Variants in DDC observed in about 807,000 individuals in gnomAD.
DDC encodes the protein aromatic-L-amino-acid decarboxylase.
A neutral mutation model predicts 60.0 loss-of-function variants in DDC; 43 were observed. The observed-to-expected ratio is 0.72, with a 90% CI of 0.56 to 0.92. The LOEUF (loss-of-function observed/expected upper bound fraction) is 0.92. DDC is among the 40% of genes least tolerant of loss of function. The probability of loss-of-function intolerance (pLI) is 0.00; values close to 1 mark genes in which losing one functional copy is unlikely to be tolerated. For missense variants in DDC, 573 were observed against 620.2 expected (o/e 0.92, Z 0.81); for synonymous variants, 232 against 234.6 (o/e 0.99, Z 0.10).
chr7:50,488,823 C>T (rs956921240), intron 9 of DDC, among the ~76,000 whole-genome samples: 1 of 152,140 alleles, frequency 6.6e-6, no homozygotes, highest in African/African-American at 2.4e-5. Flanking sequence ...AAAATTTCAA[C>T]TTTAATTTCA....
intron 10 of DDC, among the ~76,000 whole-genome samples, chr7:50,477,806 A>C (rs1030240894): frequency 6.6e-6 from 1 of 152,198 alleles, no homozygotes; most frequent in African/African-American, 2.4e-5. Flanking sequence ...GGAGCTTGTT[A>C]AACAAACATA....
intron 3 of DDC, among the ~76,000 whole-genome samples, chr7:50,539,620 G>T (rs1047727141): frequency 2.0e-5 from 3 of 152,162 alleles, no homozygotes; most frequent in Admixed American, 6.5e-5. Context: ...AGATTCCCAG[G>T]TTCGAGCTGC....
At chr7:50,461,880 G>T (rs2042281654) in intron 14 of DDC, among the ~76,000 whole-genome samples, 1 of 152,100 alleles carries the variant, frequency 6.6e-6, no homozygotes, top group East Asian at 1.9e-4. Context: ...GAAGGCCCTG[G>T]TTGCACCAGG....
intron 6 of DDC, among the ~76,000 whole-genome samples, chr7:50,522,903 C>G (rs2043937902): frequency 6.6e-6 from 1 of 152,082 alleles, no homozygotes; most frequent in African/African-American, 2.4e-5. Context: ...ATATTGCCAG[C>G]AAGAGAGAGC....
chr7:50,541,094 C>T (rs2044614962), intron 2 of DDC, among the ~76,000 whole-genome samples: 1 of 152,208 alleles, frequency 6.6e-6, no homozygotes, highest in Non-Finnish European at 1.5e-5. Context: ...ATAGAAATTG[C>T]CATTCAGACC....
intron 6 of DDC, among the ~76,000 whole-genome samples, chr7:50,512,904 A>G (rs2043619684): frequency 6.6e-6 from 1 of 152,220 alleles, no homozygotes; most frequent in Non-Finnish European, 1.5e-5. Context: ...ACATACCCAG[A>G]AAAGACACAG....
chr7:50,500,604 G>C (rs1482046701), intron 7 of DDC, among the ~76,000 whole-genome samples: 1 of 152,152 alleles, frequency 6.6e-6, no homozygotes, highest in Admixed American at 6.5e-5. Flanking sequence ...TCCATCTGGG[G>C]TTATGCAAGC....
intron 4 of DDC, 146 bp downstream of exon 4, chr7:50,537,714 T>C (rs2044465891): frequency 9.2e-7 from 1 of 1,083,316 alleles, no homozygotes; most frequent in Admixed American, 1.8e-5. Flanking sequence ...AAAGCCAGCA[T>C]TTTCCCAAGA....
chr7:50,529,406 T>TGTCTTCCAATAG, intron 4 of DDC, 64 bp from the exon 5 acceptor site: 1 of 1,573,922 alleles, frequency 6.4e-7, no homozygotes, highest in Non-Finnish European at 8.7e-7. Flanking sequence ...ACCTACACTA[T>TGTCTTCCAATAG]TGGAAGACAT....
At chr7:50,467,419 C>G in intron 12 of DDC, 104 bp from the exon 13 acceptor site, 1 of 957,506 alleles carries the variant, frequency 1.0e-6, no homozygotes, top group East Asian at 2.6e-5. Flanking sequence ...TTCATTTAGA[C>G]GCTCTTGGCA....
At chr7:50,555,194 G>A (rs979389122) in intron 1 of DDC, among the ~76,000 whole-genome samples, 11 of 151,978 alleles carry the variant, frequency 7.2e-5, no homozygotes, top group African/African-American at 2.2e-4. Context: ...CTCTGCCTTC[G>A]AGCCTCCCAC....
chr7:50,545,217 C>T (rs1483690364), intron 1 of DDC, among the ~76,000 whole-genome samples: 1 of 152,222 alleles, frequency 6.6e-6, no homozygotes, highest in African/African-American at 2.4e-5. Context: ...CGGACAAGCA[C>T]ATTCTCCACT....
chr7:50,510,709 C>T (rs989010956), intron 6 of DDC, among the ~76,000 whole-genome samples: 10 of 148,964 alleles, frequency 6.7e-5, no homozygotes, highest in East Asian at 2.0e-4. Context: ...TGGCAGGGCA[C>T]GGTGGCTCAC....
intron 6 of DDC, among the ~76,000 whole-genome samples, chr7:50,521,347 C>T (rs1244444905): frequency 6.6e-6 from 1 of 152,154 alleles, no homozygotes. Context: ...CAATTGAATT[C>T]ACTGCTGAGT....
intron 1 of DDC, among the ~76,000 whole-genome samples, chr7:50,558,967 A>T (rs2045269513): frequency 6.6e-6 from 1 of 152,218 alleles, no homozygotes. Context: ...GCTGATCCCA[A>T]CAGAAACAGG....
Position 50,543,865 on chromosome 7 carries a change from G to A in DDC, c.201+20C>T, listed in dbSNP as rs1453532298. ...GTGAGTTCTAGCCCTCCTGTTTTCT[G>A]ACCTTGGATACACACTTACCCCAGG... On this transcript the variant is annotated intron_variant, in intron 2 of 14. Coordinates refer to ENST00000444124, the MANE Select transcript of DDC (RefSeq NM_001082971.2). 6.2e-7 allele frequency: 1 copy of A among 1,611,792 alleles called. No homozygotes were observed. Among genetic ancestry groups the A allele is most frequent in the South Asian group, 1.1e-5 (1 of 90,882 alleles).
intron 4 of DDC, chr7:50,531,900 T>C (rs2044224981): frequency 6.6e-6 from 1 of 152,352 alleles, no homozygotes; most frequent in African/African-American, 2.4e-5. Context: ...GGGATGCTGG[T>C]AAGGTCTGAC....
chr7:50,551,462 A>C (rs1461750416), intron 1 of DDC, among the ~76,000 whole-genome samples: 1 of 151,864 alleles, frequency 6.6e-6, no homozygotes. Context: ...CTAACTCCTG[A>C]CCTCAAGTGA....
chr7:50,538,097 A>G, intron 3 of DDC, 118 bp from the exon 4 acceptor site: 1 of 1,286,102 alleles, frequency 7.8e-7, no homozygotes. Flanking sequence ...ACCCAATCTC[A>G]GATGTGATTC....
Sources: allele counts gnomAD v4.1 joint callset (sites outside exome capture counted in the v4.1 genomes callset), GRCh38; gene constraint gnomAD v4.1.1; transcripts MANE v1.5; gene names NCBI Gene and HGNC (gene_info 2026-07-23, HGNC 2026-07-21).